The following BCAS3 variants were observed in gnomAD, a reference collection of about 807,000 sequenced individuals.
BCAS3 encodes BCAS4/BCAS3 fusion.
In BCAS3, 53 loss-of-function variants were observed where a neutral mutation model predicts 116.1. That is an observed-to-expected ratio of 0.46 (90% confidence interval 0.37 to 0.57). The LOEUF is 0.57. Among genes scored for constraint, BCAS3 ranks in the 20% least tolerant of loss-of-function variants. The pLI, the probability that BCAS3 is intolerant of heterozygous loss-of-function variation, is 0.00. For synonymous variants in BCAS3, 391 were observed against 408.2 expected, an observed-to-expected ratio of 0.96 and a Z score of 0.51; for missense variants, 917 against 1,165.4, an observed-to-expected ratio of 0.79 and a Z score of 3.10.
intron 22 of BCAS3, among the ~76,000 whole-genome samples, chr17:61,237,225 A>G (rs888477240): frequency 6.6e-6 from 1 of 152,164 alleles, no homozygotes; most frequent in African/African-American, 2.4e-5. Flanking sequence ...ACATGTACCA[A>G]TCAGCACTCT....
At chr17:60,870,426 C>A (rs1567754211) in intron 8 of BCAS3, among the ~76,000 whole-genome samples, 1 of 152,028 alleles carries the variant, frequency 6.6e-6, no homozygotes, top group Non-Finnish European at 1.5e-5. Flanking sequence ...ACTAAGGGAT[C>A]AAAAGGGTCT....
chr17:61,108,603 G>T (rs945402801), intron 22 of BCAS3, among the ~76,000 whole-genome samples: 3 of 37,560 alleles, frequency 8.0e-5, no homozygotes, highest in African/African-American at 1.8e-4. Context: ...TGTCTATAGT[G>T]GTTTTTTTTT....
At chr17:61,119,381 T>G (rs77546506) in intron 22 of BCAS3, among the ~76,000 whole-genome samples, 1,634 of 152,268 alleles carry the variant, frequency 0.011, 12 homozygotes, top group Middle Eastern at 0.017. Flanking sequence ...TATCCCATAT[T>G]ATAAAATATA....
Position 61,278,878 on chromosome 17 carries a change from A to G in BCAS3, c.2426-89449A>G, listed in dbSNP as rs2050996477. Among the ~76,000 whole-genome samples the G allele has an allele frequency of 6.6e-6, 1 of 152,122 alleles. No homozygotes were observed. The highest frequency in any genetic ancestry group is 1.5e-5 in the Non-Finnish European group (1 of 68,024). ...TACAGGGTTTCTTTTCAGAACAATC[A>G]AAATCTTCTAAAATAGATTGTGGTG... On this transcript the variant is annotated intron_variant, in intron 22 of 23. Coordinates refer to ENST00000407086, the MANE Select transcript of BCAS3 (RefSeq NM_017679.5). The surrounding 1 kb of genome is among the most constrained non-coding windows in gnomAD (Gnocchi z 5.8).
intron 22 of BCAS3, among the ~76,000 whole-genome samples, chr17:61,210,516 T>C (rs1273267382): frequency 6.6e-6 from 1 of 152,246 alleles, no homozygotes; most frequent in Non-Finnish European, 1.5e-5. Context: ...TCTGAATTTC[T>C]TTCCCAGCTC....
Position 61,118,807 on chromosome 17 carries a change from A to G in BCAS3, c.2425+34243A>G, listed in dbSNP as rs1256867713. On this transcript the variant is annotated intron_variant, in intron 22 of 23. Transcript: ENST00000407086. This position sits in a 1 kb window ranked among gnomAD's most constrained non-coding sequence, Gnocchi z 5.0. ...GAAATGTTCAATAACCTTTACCAAT[A>G]TGGGGACTAACTTCGCAGGATTCTG... Among the ~76,000 whole-genome samples the G allele has an allele frequency of 6.6e-6, 1 of 152,046 alleles. No individual in the cohort carries two copies. The highest frequency in any genetic ancestry group is 1.9e-4 in the East Asian group (1 of 5,190).
intron 5 of BCAS3, among the ~76,000 whole-genome samples, chr17:60,734,197 C>G (rs1257837323): frequency 6.6e-6 from 1 of 152,164 alleles, no homozygotes; most frequent in Non-Finnish European, 1.5e-5. Context: ...GTAATGCGAT[C>G]CTAGCTCACT....
chr17:60,721,268 G>A (rs1053364352), intron 5 of BCAS3, among the ~76,000 whole-genome samples: 1 of 152,088 alleles, frequency 6.6e-6, no homozygotes, highest in African/African-American at 2.4e-5. Context: ...GTTGAGAATA[G>A]GACCTTATTT....
In BCAS3 at chr17:60,752,155, GGTGTGTGTGTGTGT is replaced by G. The variant is rs55713453; in HGVS notation, c.403+4895_403+4908del. 2.1e-5 allele frequency among the ~76,000 whole-genome samples: 3 copies of G among 144,678 alleles called. No homozygotes were observed. The Admixed American group carries it at 2.1e-4, about 10-fold the overall frequency. The allele number at this position is 144,678 out of a possible 152,430, so 94.9% of individuals were successfully genotyped here. A position where few individuals can be genotyped will look rare whatever the true frequency, so the allele number is the denominator to read the frequency against. ...TATGTATTACATGTATTGGCTGAAG[GGTGTGTGTGTGTGT>G]GTGTGTGTGTGTGTGTGTAAGTGTA... On this transcript the variant is annotated intron_variant, in intron 6 of 23. Transcript: ENST00000407086.
rs955489895 is a variant in BCAS3, at chr17:61,088,609, C to T, written c.2425+4045C>T. On this transcript the variant is annotated intron_variant, in intron 22 of 23. Transcript: ENST00000407086. The surrounding 1 kb of genome is among the most constrained non-coding windows in gnomAD (Gnocchi z 4.2). ...GGAACTTTGTTTTCCAGATTGCTGA[C>T]TATTCTTGTTCCAAAACTTGAAGGC... is the stretch of plus-strand genomic sequence containing the variant. Among the ~76,000 whole-genome samples, 14 of 152,204 alleles carry T rather than the reference C, an allele frequency of 9.2e-5. No individual in the cohort carries two copies. Among genetic ancestry groups the T allele is most frequent in the Admixed American group, 7.2e-4 (11 of 15,276 alleles).
At chr17:60,813,311 A>AGGT (rs60672252) in intron 7 of BCAS3, among the ~76,000 whole-genome samples, 41,490 of 151,312 alleles carry the variant, frequency 0.27, 10,985 homozygotes, top group African/African-American at 0.7. Flanking sequence ...AAAAAAAAAA[A>AGGT]AGGAGGTTAT....
intron 5 of BCAS3, among the ~76,000 whole-genome samples, chr17:60,746,403 CA>C (rs1201881542): frequency 1.3e-5 from 2 of 152,080 alleles, no homozygotes; most frequent in Non-Finnish European, 2.9e-5. Flanking sequence ...CACATATTAC[CA>C]TGCCTCTTTA....
intron 7 of BCAS3, among the ~76,000 whole-genome samples, chr17:60,858,270 C>A (rs533511242): frequency 6.6e-6 from 1 of 152,126 alleles, no homozygotes; most frequent in Non-Finnish European, 1.5e-5. Context: ...AAAAATGATA[C>A]ACTAACATTT....
At position 61,192,748 on chromosome 17, in the gene BCAS3, T is replaced by A. The variant is rs553785071; in HGVS notation, c.2425+108184T>A. On this transcript the variant is annotated intron_variant, in intron 22 of 23. Coordinates refer to ENST00000407086, the MANE Select transcript of BCAS3 (RefSeq NM_017679.5). ...CACCAACAAAATATAAATGTAGAGG[T>A]AGGAGTGATATGTAAGATTCAGAAT... 1.2e-3 allele frequency among the ~76,000 whole-genome samples: 178 copies of A among 152,188 alleles called. 2 individuals are homozygous for A. Among genetic ancestry groups the A allele is most frequent in the Non-Finnish European group, 1.4e-3 (97 of 68,018 alleles).
Position 60,711,542 on chromosome 17 carries a change from A to T in BCAS3, c.321+2217A>T, listed in dbSNP as rs1177013514. ...TAGGGGTGTTGACTGGATTGAACAC[A>T]TTCCTTTGGTGGTATTCAGGTTGTT... On this transcript the variant is annotated intron_variant, in intron 5 of 23. Transcript: ENST00000407086. Among the ~76,000 whole-genome samples, 3 of 152,206 alleles carry T rather than the reference A, an allele frequency of 2.0e-5. No individual in the cohort carries two copies. The East Asian group carries it at 5.8e-4, about 29-fold the overall frequency.
intron 7 of BCAS3, among the ~76,000 whole-genome samples, chr17:60,822,077 T>C (rs2144685436): frequency 6.6e-6 from 1 of 152,364 alleles, no homozygotes; most frequent in Non-Finnish European, 1.5e-5. Flanking sequence ...ATGAACATTG[T>C]ATTCAAGTCC....
intron 6 of BCAS3, among the ~76,000 whole-genome samples, chr17:60,778,186 T>G (rs900513266): frequency 6.6e-6 from 1 of 152,124 alleles, no homozygotes; most frequent in Non-Finnish European, 1.5e-5. Context: ...TTTTTTTATT[T>G]TATCAGTTGT....
chr17:61,192,359 C>A (rs1210910086), intron 22 of BCAS3, among the ~76,000 whole-genome samples: 10 of 150,552 alleles, frequency 6.6e-5, no homozygotes, highest in Non-Finnish European at 1.5e-4. Context: ...TACCAAGAAT[C>A]TTCCAGAATT....
In BCAS3 at chr17:61,179,125, C is replaced by G. The variant is rs181271667; in HGVS notation, c.2425+94561C>G. 1.9e-3 allele frequency among the ~76,000 whole-genome samples: 283 copies of G among 152,018 alleles called. 1 individual carries two copies. The highest frequency in any genetic ancestry group is 0.01 in the Middle Eastern group (3 of 292). The stretch of plus-strand genomic sequence containing the variant: ...ATACTCAATCCTTAGAAAACTTACA[C>G]CCAGGTAGATTAGTAGAGAAGGTCT... On this transcript the variant is annotated intron_variant, in intron 22 of 23. Coordinates refer to ENST00000407086, the MANE Select transcript of BCAS3 (RefSeq NM_017679.5).
Sources: allele counts gnomAD v4.1 joint callset (sites outside exome capture counted in the v4.1 genomes callset), GRCh38; gene constraint gnomAD v4.1.1; non-coding constraint Gnocchi (gnomAD v3.1); transcripts MANE v1.5; gene names NCBI Gene and HGNC (gene_info 2026-07-23, HGNC 2026-07-21).